The following ECH1 variants were observed in gnomAD, a reference collection of about 807,000 sequenced individuals.
ECH1 encodes enoyl-CoA hydratase 1.
A neutral mutation model predicts 37.0 loss-of-function variants in ECH1; 30 were observed. That is an observed-to-expected ratio of 0.81 (90% confidence interval 0.61 to 1.10). The LOEUF is 1.10. Ranked by LOEUF, ECH1 falls within the 50% of genes least tolerant of loss-of-function variation. ECH1 has a pLI of 0.00. For synonymous variants in ECH1, 178 were observed against 176.0 expected (o/e 1.01, Z -0.09); for missense variants, 456 against 441.6 (o/e 1.03, Z -0.29).
intron 3 of ECH1, 180 bp downstream of exon 3, chr19:38,830,898 G>C: frequency 8.3e-6 from 5 of 603,466 alleles, no homozygotes; most frequent in Middle Eastern, 4.5e-4. Flanking sequence ...GGAGGTTGCA[G>C]TGAGCTGAGA....
rs1971823826 is a variant in ECH1, at chr19:38,831,464, G to A, written c.105C>T (p.Gly35=). ...CGGAAGCCTCCTCTTGTGCAGAGGA[G>A]CCAGTGAGGCGAAGGCTAATACTGA... The part of the protein sequence containing the change: ...PGLSISLRLT[G]SSAQEEASGV... Residue 35 remains glycine, a synonymous_variant, in exon 2 of 10, where the codon GGC becomes GGT. Transcript: ENST00000221418. 1 of 1,614,192 alleles carries A rather than the reference G, an allele frequency of 6.2e-7. No homozygotes were observed.
Position 38,815,435 on chromosome 19 carries a change from T to G in ECH1, c.*178A>C. 1 of 627,508 alleles carries G rather than the reference T, an allele frequency of 1.6e-6. No individual in the cohort carries two copies. The highest frequency in any genetic ancestry group is 2.8e-6 in the Non-Finnish European group (1 of 363,220). The allele number at this position is 627,508 out of a possible 1,614,324, so 38.9% of individuals were successfully genotyped here. Reference sequence around the variant, plus strand: ...AAGGGCACCAGGTTCTTTACTTTGCTTTATTGTTTGTGGGGTGAAGATAAG... The same window carrying G: ...AAGGGCACCAGGTTCTTTACTTTGCGTTATTGTTTGTGGGGTGAAGATAAG... On this transcript the variant is annotated 3_prime_UTR_variant, in exon 10 of 10. Coordinates refer to ENST00000221418, the MANE Select transcript of ECH1 (RefSeq NM_001398.3).
At chr19:38,817,393 G>C in intron 4 of ECH1, 29 bp from the exon 5 acceptor site, 2 of 1,606,424 alleles carry the variant, frequency 1.2e-6, no homozygotes, top group Non-Finnish European at 8.5e-7. Context: ...AGTGGGGTCA[G>C]GGCTGGCCCA....
chr19:38,831,137 G>A lies in ECH1; in HGVS notation c.290C>T (p.Ser97Leu), dbSNP rs758672929. Residue 97 changes from serine to leucine, a missense_variant, in exon 3 of 10, where the codon TCG becomes TTG. By Grantham distance (145) the Ser-to-Leu change is moderately radical (BLOSUM62 -2). Transcript: ENST00000221418. Reference protein sequence around the residue: ...REMVECFNKISRDADCRAVVI... With the variant: ...REMVECFNKILRDADCRAVVI... ...CACCGCCCGACAGTCAGCGTCTCTC[G>A]AAATCTTGTTGAAGCACTCTACCAT... 1 of 1,614,110 alleles carries A rather than the reference G, an allele frequency of 6.2e-7. No individual in the cohort carries two copies. Among genetic ancestry groups the A allele is most frequent in the Non-Finnish European group, 8.5e-7 (1 of 1,180,026 alleles).
intron 3 of ECH1, chr19:38,819,012 G>GTGTGT: frequency 2.7e-6 from 1 of 372,686 alleles, no homozygotes; most frequent in Non-Finnish European, 3.5e-6. Flanking sequence ...TGTGTGTGCG[G>GTGTGT]GCACGTGCAT....
Position 38,817,333 on chromosome 19 carries a change from C to T in ECH1, c.506G>A (p.Gly169Glu). Reference sequence around the variant, plus strand: ...AGACTCACCTCCGCCAATGCAGCCCCCATGGACGGCAGCAATCACGGGCTT... The same window carrying T: ...AGACTCACCTCCGCCAATGCAGCCCTCATGGACGGCAGCAATCACGGGCTT... ...CPKPVIAAVHGGCIGGGVDLV... is the reference protein window; with the variant it reads ...CPKPVIAAVHEGCIGGGVDLV... Residue 169 changes from glycine to glutamate, a missense_variant, in exon 5 of 10, where the codon GGG becomes GAG. Transcript: ENST00000221418. 1 of 1,573,732 alleles carries T rather than the reference C, an allele frequency of 6.4e-7. No individual in the cohort carries two copies. The highest frequency in any genetic ancestry group is 8.6e-7 in the Non-Finnish European group (1 of 1,157,804).
At chr19:38,821,091 C>T (rs1253698118) in intron 3 of ECH1, among the ~76,000 whole-genome samples, 1 of 152,006 alleles carries the variant, frequency 6.6e-6, no homozygotes, top group African/African-American at 2.4e-5. Context: ...CCAGCCTGGG[C>T]AACATAGCAA....
At chr19:38,816,232 C>T in intron 8 of ECH1, 52 bp downstream of exon 8, 1 of 1,601,108 alleles carries the variant, frequency 6.2e-7, no homozygotes. Context: ...AGGCCTCCAA[C>T]CCTCCAGGCC....
intron 3 of ECH1, among the ~76,000 whole-genome samples, chr19:38,826,711 C>G (rs1012206725): frequency 2.6e-5 from 4 of 152,192 alleles, no homozygotes; most frequent in South Asian, 2.1e-4. Context: ...TCCCACAGAC[C>G]ACACGTCCCA....
At chr19:38,821,702 G>A (rs951974469) in intron 3 of ECH1, among the ~76,000 whole-genome samples, 1 of 152,190 alleles carries the variant, frequency 6.6e-6, no homozygotes, top group Non-Finnish European at 1.5e-5. Flanking sequence ...TGCTGCACTC[G>A]AATACTTGCC....
chr19:38,815,741 G>C, intron 9 of ECH1, 24 bp from the exon 10 acceptor site: 3 of 1,614,056 alleles, frequency 1.9e-6, no homozygotes, highest in Non-Finnish European at 2.5e-6. Context: ...TGTTGAGAGA[G>C]AACGAGGAGA....
chr19:38,827,377 G>A (rs1320261629), intron 3 of ECH1, among the ~76,000 whole-genome samples: 2 of 152,062 alleles, frequency 1.3e-5, no homozygotes, highest in South Asian at 2.1e-4. Context: ...TACATACGCT[G>A]GCTGGACAAG....
rs778390273 is a variant in ECH1 at position 38,831,744 on chromosome 19, C to G, written c.29G>C (p.Arg10Thr). 1 of 1,613,226 alleles carries G rather than the reference C, an allele frequency of 6.2e-7. No homozygotes were observed. The highest frequency in any genetic ancestry group is 1.7e-4 in the Middle Eastern group (1 of 6,056). Residue 10 changes from arginine to threonine, a missense_variant, in exon 1 of 10, where the codon AGA (arginine) becomes ACA (threonine). Arg to Thr is a moderately conservative substitution (Grantham distance 71). Transcript: ENST00000221418. ...ACGCCGGGTCAGTAGGTCGCGGAGTCTGCGAGAAGCCACTATCCCCGCCGC... is the reference window on the plus strand; with the variant it reads ...ACGCCGGGTCAGTAGGTCGCGGAGTGTGCGAGAAGCCACTATCCCCGCCGC... MAAGIVASRRLRDLLTRRLT... is the reference protein window; with the variant it reads MAAGIVASRTLRDLLTRRLT...
intron 2 of ECH1, 57 bp downstream of exon 2, chr19:38,831,252 C>T (rs1157402627): frequency 6.2e-7 from 1 of 1,608,800 alleles, no homozygotes; most frequent in African/African-American, 1.3e-5. Context: ...CACTTTCACC[C>T]AGTCCCGCAG....
intron 6 of ECH1, 140 bp downstream of exon 6, chr19:38,816,925 C>T: frequency 1.0e-6 from 1 of 991,646 alleles, no homozygotes; most frequent in East Asian, 2.6e-5. Flanking sequence ...ACAACTTCAC[C>T]TCTTGACTTC....
At chr19:38,829,776 A>G (rs1014411562) in intron 3 of ECH1, among the ~76,000 whole-genome samples, 7 of 151,418 alleles carry the variant, frequency 4.6e-5, no homozygotes, top group African/African-American at 1.7e-4. Flanking sequence ...AGATCGCACC[A>G]CTGCACTCCA....
chr19:38,816,048 G>T (rs751064177), intron 8 of ECH1, 41 bp from the exon 9 acceptor site: 3 of 1,608,712 alleles, frequency 1.9e-6, no homozygotes, highest in African/African-American at 1.3e-5. Flanking sequence ...GCTGGGAAGG[G>T]CTCTCTCCTC....
intron 3 of ECH1, among the ~76,000 whole-genome samples, chr19:38,821,581 G>A (rs181984088): frequency 3.3e-5 from 5 of 152,284 alleles, no homozygotes; most frequent in East Asian, 1.9e-4. Flanking sequence ...CGGCGACCCC[G>A]CACTCGGAGT....
At chr19:38,830,979 A>C in intron 3 of ECH1, 99 bp downstream of exon 3, 2 of 1,095,108 alleles carry the variant, frequency 1.8e-6, no homozygotes, top group Non-Finnish European at 2.6e-6. Flanking sequence ...AAAGTGTGTA[A>C]GTCAGAAGCT....
Sources: gnomAD v4.1 joint callset for allele counts (sites outside exome capture counted in the v4.1 genomes callset) on GRCh38, gnomAD v4.1.1 for gene constraint, MANE v1.5 for transcripts, NCBI Gene and HGNC (gene_info 2026-07-23, HGNC 2026-07-21) for gene names.